SP100: variants seen among roughly 807,000 people sequenced by gnomAD.
SP100 encodes the protein nuclear autoantigen Sp-100.
A neutral mutation model predicts 130.0 loss-of-function variants in SP100; 84 were observed. That is an observed-to-expected ratio of 0.65 (90% CI 0.54 to 0.77). The LOEUF is 0.77. Ranked by LOEUF, SP100 falls within the 30% of genes least tolerant of loss-of-function variation. The pLI is 0.00. For missense variants in SP100, 978 were observed against 1,052.2 expected (o/e 0.93, Z 0.97); for synonymous variants, 331 against 351.7 (o/e 0.94, Z 0.66).
Position 230,506,385 on chromosome 2 carries a change from A to C in SP100, c.1953A>C (p.Ala651=), listed in dbSNP as rs1472060179. ...TTGAAATTGAAGGAGACCGCGGAGC[A>C]TCCAAGAACTGGAAGCTAAGTATAC... ...REFEIEGDRG[A]SKNWKLSIRC... is the part of the protein sequence containing the mutation. The change falls in exon 22 of 29, where the codon GCA becomes GCC. Residue 651 remains alanine (A), a synonymous_variant. Coordinates refer to ENST00000340126, the MANE Select transcript of SP100 (RefSeq NM_001080391.2). 3 of 1,613,778 alleles carry C rather than the reference A, an allele frequency of 1.9e-6. No homozygotes were observed. In the African/African-American group the frequency reaches 4.0e-5, roughly 22 times the overall value.
At chr2:230,434,614 G>A (rs1159126070) in intron 2 of SP100, among the ~76,000 whole-genome samples, 1 of 152,104 alleles carries the variant, frequency 6.6e-6, no homozygotes, top group African/African-American at 2.4e-5. Flanking sequence ...AAAAAATAGA[G>A]GCAGATTAGG....
rs759223369 is a variant in SP100, at chr2:230,462,515, C to A, written c.1054C>A (p.Pro352Thr). ...CTTCATCTCAGCACCGAGAAGTGAG[C>A]CTGGTAAGGAAGTTTGGGAGAGCAA... ...EVFISAPRSE[P>T]VINNDNPLES... The change falls in exon 10 of 29, where the codon CCT (proline) becomes ACT (threonine). Residue 352 changes from proline to threonine, a missense_variant. By Grantham distance (38) the Pro-to-Thr change is conservative (BLOSUM62 -1). Transcript: ENST00000340126. 3 of 1,611,604 alleles carry A rather than the reference C, an allele frequency of 1.9e-6. No individual in the cohort carries two copies. In the African/African-American group the frequency reaches 4.0e-5, roughly 22 times the overall value.
intron 2 of SP100, among the ~76,000 whole-genome samples, chr2:230,435,554 C>A (rs1351719915): frequency 6.6e-6 from 1 of 151,726 alleles, no homozygotes; most frequent in Non-Finnish European, 1.5e-5. Context: ...TTTGATTCAG[C>A]TTTTTTTCCA....
chr2:230,490,598 T>C (rs2066341553), intron 17 of SP100, among the ~76,000 whole-genome samples: 1 of 152,168 alleles, frequency 6.6e-6, no homozygotes. Context: ...CTGGTCTTTA[T>C]TTTTTAGGGT....
intron 24 of SP100, among the ~76,000 whole-genome samples, chr2:230,534,117 G>A (rs1158358908): frequency 1.3e-5 from 2 of 152,158 alleles, no homozygotes; most frequent in Non-Finnish European, 2.9e-5. Flanking sequence ...CCTAGAAAAG[G>A]GTAAATGTCA....
chr2:230,541,164 G>A (rs969396499), intron 26 of SP100, 137 bp from the exon 27 acceptor site: 37 of 1,226,374 alleles, frequency 3.0e-5, no homozygotes, highest in East Asian at 1.4e-4. Context: ...GAAAAATCCC[G>A]GTCCAAAGAA....
intron 2 of SP100, among the ~76,000 whole-genome samples, chr2:230,419,537 CA>C (rs2062710700): frequency 6.6e-6 from 1 of 152,146 alleles, no homozygotes; most frequent in Non-Finnish European, 1.5e-5. Context: ...GAGAAGCCGT[CA>C]AGGGCTTCCT....
chr2:230,433,145 G>T (rs1457226134), intron 2 of SP100, among the ~76,000 whole-genome samples: 4 of 152,188 alleles, frequency 2.6e-5, no homozygotes, highest in Non-Finnish European at 5.9e-5. Flanking sequence ...TACATTTAGA[G>T]ATGCATGATC....
At chr2:230,540,826 C>A in intron 25 of SP100, 50 bp from the exon 26 acceptor site, 2 of 1,572,606 alleles carry the variant, frequency 1.3e-6, no homozygotes, top group Non-Finnish European at 1.7e-6. Context: ...GTAGGAATGG[C>A]GGCTGATTCA....
At chr2:230,502,491 G>A (rs1362291690) in intron 19 of SP100, among the ~76,000 whole-genome samples, 2 of 152,148 alleles carry the variant, frequency 1.3e-5, no homozygotes, top group Non-Finnish European at 2.9e-5. Flanking sequence ...CATCTGTAAA[G>A]TGAGGATAGT....
chr2:230,433,602 T>C (rs1456272093), intron 2 of SP100, among the ~76,000 whole-genome samples: 1 of 152,124 alleles, frequency 6.6e-6, no homozygotes, highest in African/African-American at 2.4e-5. Flanking sequence ...ATGTTAAACA[T>C]ATTGAGTCTT....
intron 2 of SP100, among the ~76,000 whole-genome samples, chr2:230,435,049 G>A (rs2063211050): frequency 6.6e-6 from 1 of 152,100 alleles, no homozygotes; most frequent in Non-Finnish European, 1.5e-5. Flanking sequence ...TGCATGGTCA[G>A]TCTGTAGTAT....
At chr2:230,513,518 TAA>T (rs34365039) in intron 24 of SP100, among the ~76,000 whole-genome samples, 345 of 147,984 alleles carry the variant, frequency 2.3e-3, no homozygotes, top group East Asian at 9.4e-3. Context: ...CCTTTTTGAT[TAA>T]AAAAAAAAAA....
At chr2:230,497,477 G>GAT in intron 18 of SP100, among the ~76,000 whole-genome samples, 1 of 71,654 alleles carries the variant, frequency 1.4e-5, no homozygotes, top group Non-Finnish European at 2.9e-5. Flanking sequence ...AGGAGGGGAG[G>GAT]GGAGGGGAGG....
chr2:230,472,183 C>T (rs528990256), intron 15 of SP100, among the ~76,000 whole-genome samples: 1 of 152,098 alleles, frequency 6.6e-6, no homozygotes, highest in Admixed American at 6.6e-5. Flanking sequence ...AATCCCAGCA[C>T]TTTGGGAGGC....
chr2:230,434,240 T>C (rs1178885462), intron 2 of SP100, among the ~76,000 whole-genome samples: 3 of 152,156 alleles, frequency 2.0e-5, no homozygotes, highest in African/African-American at 7.2e-5. Context: ...ATTACTAGAA[T>C]TAAATAGCTA....
At chr2:230,435,786 A>G (rs563322856) in intron 2 of SP100, among the ~76,000 whole-genome samples, 1 of 151,886 alleles carries the variant, frequency 6.6e-6, no homozygotes, top group East Asian at 1.9e-4. Context: ...CTCATCATTT[A>G]GCTCCCACTT....
At chr2:230,432,593 TC>T (rs1486329728) in intron 2 of SP100, among the ~76,000 whole-genome samples, 1 of 152,226 alleles carries the variant, frequency 6.6e-6, no homozygotes, top group African/African-American at 2.4e-5. Flanking sequence ...TTTGCTTTTC[TC>T]TAATAATGAA....
rs1158965300 is a variant in SP100, at chr2:230,468,941, T to C, written c.1292-102T>C. ...TGGGAAGAGACAGAAATGATCCTCA[T>C]AGAATATTTATAGTCCAAATTCTGT... is the stretch of plus-strand genomic sequence containing the variant. On this transcript the variant is annotated intron_variant, in intron 13 of 28. Transcript: ENST00000340126. The C allele has an allele frequency of 4.6e-6, 3 of 651,606 alleles. 1 individual carries two copies. In the South Asian group the frequency reaches 6.6e-5, roughly 14 times the overall value. 40.4% of individuals were successfully genotyped at this position (651,606 alleles called of 1,614,324 possible).
Sources: gnomAD v4.1 joint callset for allele counts (sites outside exome capture counted in the v4.1 genomes callset) on GRCh38, gnomAD v4.1.1 for gene constraint, MANE v1.5 for transcripts, NCBI Gene and HGNC (gene_info 2026-07-23, HGNC 2026-07-21) for gene names.